Variants in MBP observed in about 807,000 individuals in gnomAD.
MBP encodes the protein myelin basic protein, also known as Golli-MBP.
MBP carries 16 observed loss-of-function variants against 35.8 expected under a neutral mutation model. The ratio of observed to expected loss-of-function variants is 0.45; its 90% CI spans 0.30 to 0.68. The LOEUF (loss-of-function observed/expected upper bound fraction) is 0.68, where lower values mean the gene tolerates loss of function less well. MBP is among the 30% of genes least tolerant of loss of function. The pLI, the probability that MBP is intolerant of heterozygous loss-of-function variation, is 0.08. For missense variants in MBP, 380 were observed against 404.7 expected, an observed-to-expected ratio of 0.94 and a Z score of 0.52; for synonymous variants, 143 against 159.6, an observed-to-expected ratio of 0.90 and a Z score of 0.78.
chr18:77,100,906 C>A (rs1029261958), intron 2 of MBP, among the ~76,000 whole-genome samples: 3 of 152,070 alleles, frequency 2.0e-5, no homozygotes, highest in Non-Finnish European at 4.4e-5. Flanking sequence ...TTAGCTATCA[C>A]CAGAAAACCC....
chr18:76,985,250 A>T (rs1222490075), intron 7 of MBP: 2 of 1,351,216 alleles, frequency 1.5e-6, no homozygotes, highest in African/African-American at 2.9e-5. Context: ...ACATCAAGCA[A>T]ATCAAGGTAA....
chr18:77,013,333 G>A, intron 4 of MBP: 1 of 985,502 alleles, frequency 1.0e-6, no homozygotes, highest in Non-Finnish European at 1.2e-6. Flanking sequence ...ACACCCCTGT[G>A]TGTTGCTGCT....
intron 2 of MBP, among the ~76,000 whole-genome samples, chr18:77,098,702 C>T (rs75811091): frequency 0.09 from 13,758 of 152,190 alleles, 710 homozygotes; most frequent in South Asian, 0.12. Context: ...GAGCCTTTAC[C>T]GTAAGGGCTT....
At chr18:77,031,775 C>T (rs1281230689) in intron 3 of MBP, among the ~76,000 whole-genome samples, 2 of 152,218 alleles carry the variant, frequency 1.3e-5, no homozygotes, top group African/African-American at 2.4e-5. Flanking sequence ...GCTCCTGGTC[C>T]GTGCCTCTCC....
At chr18:77,038,024 C>G (rs1972846138) in intron 3 of MBP, among the ~76,000 whole-genome samples, 1 of 152,194 alleles carries the variant, frequency 6.6e-6, no homozygotes, top group South Asian at 2.1e-4. Flanking sequence ...ATCAGATGCT[C>G]AAAAGGGTTC....
At chr18:76,993,536 C>T (rs1473594876) in intron 4 of MBP, among the ~76,000 whole-genome samples, 6 of 138,232 alleles carry the variant, frequency 4.3e-5, no homozygotes, top group Non-Finnish European at 6.1e-5. Flanking sequence ...GGCGACAGAG[C>T]GAGACTTTGT....
rs1409854203 is a variant in MBP at position 77,102,127 on chromosome 18, T to C, written c.51+3084A>G. On this transcript the variant is annotated intron_variant, in intron 2 of 8. Coordinates refer to ENST00000355994, the MANE Select transcript of MBP (RefSeq NM_001025101.2). This position sits in a 1 kb window ranked among gnomAD's most constrained non-coding sequence, Gnocchi z 4.4. Reference sequence around the variant, plus strand: ...AGAGGAAAGAATCATCTAGTGTGGGTGGGGAGAGGTGGAGAAGGTGGCAGC... The same window carrying C: ...AGAGGAAAGAATCATCTAGTGTGGGCGGGGAGAGGTGGAGAAGGTGGCAGC... 1.3e-5 allele frequency among the ~76,000 whole-genome samples: 2 copies of C among 150,980 alleles called. No individual in the cohort carries two copies. The highest frequency in any genetic ancestry group is 4.9e-5 in the African/African-American group (2 of 40,966).
chr18:77,014,233 G>A (rs921404119), intron 4 of MBP: 1 of 985,412 alleles, frequency 1.0e-6, no homozygotes, highest in Non-Finnish European at 1.2e-6. Flanking sequence ...GGTGTTGTTA[G>A]GGCATTCCCG....
At chr18:77,050,789 GC>G (rs2144692741) in intron 3 of MBP, among the ~76,000 whole-genome samples, 1 of 152,252 alleles carries the variant, frequency 6.6e-6, no homozygotes, top group African/African-American at 2.4e-5. Flanking sequence ...TGAGTGATCT[GC>G]CCGCCTCGGA....
At chr18:77,087,041 G>C (rs747349004) in intron 2 of MBP, among the ~76,000 whole-genome samples, 2 of 152,136 alleles carry the variant, frequency 1.3e-5, no homozygotes, top group Non-Finnish European at 2.9e-5. Context: ...AAAAATAAAT[G>C]GTTCATCAAT....
At chr18:76,999,181 A>G (rs1331942036) in intron 4 of MBP, among the ~76,000 whole-genome samples, 1 of 151,958 alleles carries the variant, frequency 6.6e-6, no homozygotes, top group Non-Finnish European at 1.5e-5. Flanking sequence ...GGAGGACGCA[A>G]GCTGGGTGGG....
intron 3 of MBP, among the ~76,000 whole-genome samples, chr18:77,065,282 G>C (rs2122450): frequency 0.11 from 16,042 of 152,140 alleles, 1,070 homozygotes; most frequent in Non-Finnish European, 0.15. Flanking sequence ...GCCATGACGT[G>C]GTGGGTGGCA....
In MBP at chr18:77,048,465, T is replaced by A. The variant is rs140950806; in HGVS notation, c.139+17833A>T. 2.0e-4 allele frequency among the ~76,000 whole-genome samples: 31 copies of A among 152,314 alleles called. No homozygotes were observed. The East Asian group carries it at 5.4e-3, about 27-fold the overall frequency. On this transcript the variant is annotated intron_variant, in intron 3 of 8. Transcript: ENST00000355994. ...TCCCTAACAATCTCTGCAGGTAGGA[T>A]CTTTTTTTTTGTTGGCTTTTTGAGA...
At chr18:77,027,000 G>C (rs1411466233) in intron 3 of MBP, among the ~76,000 whole-genome samples, 1 of 152,174 alleles carries the variant, frequency 6.6e-6, no homozygotes, top group Non-Finnish European at 1.5e-5. Context: ...TAAGCTCTAA[G>C]ACATGCAGTG....
At chr18:77,081,657 C>T (rs1293131413) in intron 2 of MBP, among the ~76,000 whole-genome samples, 2 of 151,560 alleles carry the variant, frequency 1.3e-5, no homozygotes, top group East Asian at 1.9e-4. Context: ...CATAAAGTTA[C>T]CACATGACCC....
intron 3 of MBP, among the ~76,000 whole-genome samples, chr18:77,018,515 A>ATCCAT: frequency 6.8e-6 from 1 of 147,656 alleles, no homozygotes; most frequent in African/African-American, 2.6e-5. Context: ...CCATCTATCC[A>ATCCAT]TCCATCCATA....
intron 3 of MBP, among the ~76,000 whole-genome samples, chr18:77,027,364 TCTGCCTGCACACGC>T (rs1435805706): frequency 6.6e-6 from 1 of 152,204 alleles, no homozygotes; most frequent in Non-Finnish European, 1.5e-5. Context: ...AGACCCTGTA[TCTGCCTGCACACGC>T]CTGCCCGCAC....
chr18:77,086,463 T>C (rs1975240516), intron 2 of MBP, among the ~76,000 whole-genome samples: 1 of 152,214 alleles, frequency 6.6e-6, no homozygotes, highest in Non-Finnish European at 1.5e-5. Context: ...TCTAGCCTTG[T>C]AGTGGGTAAT....
At chr18:77,054,650 T>C (rs1225578216) in intron 3 of MBP, among the ~76,000 whole-genome samples, 1 of 152,214 alleles carries the variant, frequency 6.6e-6, no homozygotes, top group Non-Finnish European at 1.5e-5. Context: ...CAATCAGCCA[T>C]CAGTGCTCTC....
Sources: allele counts gnomAD v4.1 joint callset (sites outside exome capture counted in the v4.1 genomes callset), GRCh38; gene constraint gnomAD v4.1.1; non-coding constraint Gnocchi (gnomAD v3.1); transcripts MANE v1.5; gene names NCBI Gene and HGNC (gene_info 2026-07-23, HGNC 2026-07-21).